The following TPM1 variants were observed in gnomAD, a reference collection of about 807,000 sequenced individuals.
TPM1 encodes the protein tropomyosin alpha-1 chain.
A neutral mutation model predicts 42.9 loss-of-function variants in TPM1; 24 were observed. The ratio of observed to expected loss-of-function variants is 0.56; its 90% CI spans 0.41 to 0.79. TPM1 has a LOEUF of 0.79. Ranked by LOEUF, TPM1 falls within the 30% of genes least tolerant of loss-of-function variation. The pLI is 0.00. For synonymous variants in TPM1, 136 were observed against 130.1 expected, an observed-to-expected ratio of 1.05 and a Z score of -0.31; for missense variants, 158 against 351.8, an observed-to-expected ratio of 0.45 and a Z score of 4.41.
downstream of TPM1, chr15:63,070,548 TAA>T (rs2036552689): frequency 1.0e-6 from 1 of 995,548 alleles, no homozygotes. Flanking sequence ...ATAAAAATAT[TAA>T]GAGAATGTCC....
In TPM1 at chr15:63,064,407, C is replaced by T. The variant is rs1055514555; in HGVS notation, c.851+265C>T. On this transcript the variant is annotated intron_variant, in intron 9 of 9. Coordinates refer to ENST00000403994, the MANE Select transcript of TPM1 (RefSeq NM_001018005.2). ...TAGAGCAGTGAACTAGAATGAGTGACCTTGAGCACTGTCCTTTTGGGAAAT... is the reference window on the plus strand; with the variant it reads ...TAGAGCAGTGAACTAGAATGAGTGATCTTGAGCACTGTCCTTTTGGGAAAT... 2.1e-5 allele frequency: 28 copies of T among 1,306,786 alleles called. No individual in the cohort carries two copies. In the East Asian group the frequency reaches 8.7e-4, roughly 40 times the overall value. 80.9% of individuals were successfully genotyped at this position (1,306,786 alleles called of 1,614,324 possible). A position where few individuals can be genotyped will look rare whatever the true frequency, so the allele number is the denominator to read the frequency against.
rs730881144 is a variant in TPM1 at position 63,062,252 on chromosome 15, A to G, written c.677A>G (p.Lys226Arg). 1 of 1,614,152 alleles carries G rather than the reference A, an allele frequency of 6.2e-7. No individual in the cohort carries two copies. The highest frequency in any genetic ancestry group is 1.1e-5 in the South Asian group (1 of 91,084). ...GAAGACAGATATGAGGAAGAGATCA[A>G]GGTCCTTTCCGACAAGCTGAAGGAG... ...QKEDRYEEEI[K>R]VLSDKLKEAE... The change falls in exon 7 of 10, where the codon AAG becomes AGG. Residue 226 changes from lysine (K) to arginine (R), a missense_variant. By Grantham distance (26) the Lys-to-Arg change is conservative (BLOSUM62 2). This residue lies in a region of TPM1 where 64 missense variants were observed against 95.8 expected (regional missense o/e 0.67). Coordinates refer to ENST00000403994, the MANE Select transcript of TPM1 (RefSeq NM_001018005.2).
At chr15:63,049,403 G>A (rs932479073) in intron 2 of TPM1, 6 of 152,344 alleles carry the variant, frequency 3.9e-5, no homozygotes, top group Non-Finnish European at 7.3e-5. Flanking sequence ...AATGTCAACA[G>A]TTATTGGGTG....
rs2035710306 is a variant in TPM1, at chr15:63,062,069, T to TG, written c.640-145dup. ...ATAGGCAAGAAAGCAGAGAATGTATTGCAGTGTGCCATTTGATATCAGAGG... is the reference window on the plus strand; with the variant it reads ...ATAGGCAAGAAAGCAGAGAATGTATTGGCAGTGTGCCATTTGATATCAGAGG... On this transcript the variant is annotated intron_variant, in intron 6 of 9. Transcript: ENST00000403994. 4.0e-6 allele frequency: 3 copies of TG among 759,318 alleles called. No homozygotes were observed. The Admixed American group carries it at 5.9e-5, about 15-fold the overall frequency. 47.0% of individuals were successfully genotyped at this position (759,318 alleles called of 1,614,324 possible).
chr15:63,043,651 G>A, intron 1 of TPM1: 3 of 1,536,066 alleles, frequency 2.0e-6, no homozygotes, highest in African/African-American at 2.7e-5. Flanking sequence ...TGTGTTGTGT[G>A]TGTCTAACAC....
At position 63,042,961 on chromosome 15, in the gene TPM1, C is replaced by A. The variant is rs1442521579; in HGVS notation, c.114+18C>A. 5.1e-6 allele frequency: 8 copies of A among 1,574,184 alleles called. No individual in the cohort carries two copies. Among genetic ancestry groups the A allele is most frequent in the Non-Finnish European group, 6.0e-6 (7 of 1,159,110 alleles). Reference sequence around the variant, plus strand: ...GCAAGCAGGTCTGCGCCTCCCCGGCCCTGCGCCCGCGCCCAGAGCGCCGGG... The same window carrying A: ...GCAAGCAGGTCTGCGCCTCCCCGGCACTGCGCCCGCGCCCAGAGCGCCGGG... On this transcript the variant is annotated intron_variant, in intron 1 of 9. Transcript: ENST00000403994.
intron 2 of TPM1, chr15:63,048,910 G>A: frequency 1.4e-6 from 1 of 705,152 alleles, no homozygotes; most frequent in Non-Finnish European, 2.4e-6. Context: ...TTTCCATCTC[G>A]CTGATCCAAA....
At chr15:63,063,269 A>G (rs2035894255) in intron 8 of TPM1, 10 of 985,308 alleles carry the variant, frequency 1.0e-5, no homozygotes, top group Non-Finnish European at 2.4e-6. Flanking sequence ...AAAAAGACAA[A>G]TATCTACATC....
chr15:63,055,299 G>A (rs1392912723), intron 2 of TPM1, among the ~76,000 whole-genome samples: 1 of 152,210 alleles, frequency 6.6e-6, no homozygotes, highest in Non-Finnish European at 1.5e-5. Context: ...AGATAAAAGT[G>A]TATTTACATG....
chr15:63,048,873 G>GC (rs1317051510), intron 2 of TPM1: 2 of 873,096 alleles, frequency 2.3e-6, no homozygotes, highest in Non-Finnish European at 3.6e-6. Flanking sequence ...CTGGGGAGGG[G>GC]CCCGGCCTGT....
rs1465520299 is a variant in TPM1, at chr15:63,062,618, T to C, written c.745T>C (p.Leu249=). ...AEFAERSVTK[L]EKSIDDLEDE... ...GTTTGCGGAGAGGTCAGTAACTAAA[T>C]TGGAGAAAAGCATTGATGACTTAGA... Residue 249 remains leucine, a synonymous_variant, in exon 8 of 10, where the codon TTG becomes CTG. Coordinates refer to ENST00000403994, the MANE Select transcript of TPM1 (RefSeq NM_001018005.2). 2.5e-6 allele frequency: 4 copies of C among 1,614,214 alleles called. No homozygotes were observed. Among genetic ancestry groups the C allele is most frequent in the Non-Finnish European group, 3.4e-6 (4 of 1,180,044 alleles).
At chr15:63,043,709 G>A in intron 1 of TPM1, 2 of 1,546,526 alleles carry the variant, frequency 1.3e-6, no homozygotes, top group Non-Finnish European at 1.7e-6. Context: ...CCCCCAGCTC[G>A]AGGAGGACAT....
At chr15:63,043,011 G>C in intron 1 of TPM1, 68 bp downstream of exon 1, 1 of 1,423,084 alleles carries the variant, frequency 7.0e-7, no homozygotes, top group Non-Finnish European at 9.7e-7. Flanking sequence ...CCCCCGGCTG[G>C]ATCCCCACCC....
chr15:63,052,794 AG>A (rs1566951347), intron 2 of TPM1, among the ~76,000 whole-genome samples: 1 of 152,220 alleles, frequency 6.6e-6, no homozygotes, highest in Non-Finnish European at 1.5e-5. Context: ...CAGAAATAAA[AG>A]CTAGTAAAGG....
exon 9 of TPM1, chr15:63,071,418 G>A (rs2036602102): frequency 6.6e-6 from 3 of 456,864 alleles, no homozygotes; most frequent in East Asian, 4.5e-5. Context: ...TAGCAACACA[G>A]TGTGCTTAGT....
chr15:63,069,886 A>T (rs1477340310), downstream of TPM1: 6 of 1,614,030 alleles, frequency 3.7e-6, no homozygotes, highest in African/African-American at 8.0e-5. Flanking sequence ...TCTACCAGCA[A>T]CTTGAGCAAA....
At chr15:63,064,240 CACTCTTGT>C in intron 9 of TPM1, 98 bp downstream of exon 9, 1 of 1,552,204 alleles carries the variant, frequency 6.4e-7, no homozygotes, top group Non-Finnish European at 8.7e-7. Flanking sequence ...TCCATCTTTG[CACTCTTGT>C]GTTCACCCTT....
chr15:63,070,641 A>C (rs1170547954), downstream of TPM1: 1 of 1,002,942 alleles, frequency 1.0e-6, no homozygotes, highest in Non-Finnish European at 1.2e-6. Flanking sequence ...CAGAAAACCT[A>C]TTTATGTCAT....
chr15:63,050,184 G>A (rs980239491), intron 2 of TPM1, among the ~76,000 whole-genome samples: 2 of 152,212 alleles, frequency 1.3e-5, no homozygotes, highest in African/African-American at 2.4e-5. Flanking sequence ...GCACAGCCCT[G>A]GCAGCCCAGT....
Sources: gnomAD v4.1 joint callset for allele counts (sites outside exome capture counted in the v4.1 genomes callset) on GRCh38, gnomAD v4.1.1 for gene constraint, gnomAD v4.1.1 regional missense constraint, MANE v1.5 for transcripts, NCBI Gene and HGNC (gene_info 2026-07-23, HGNC 2026-07-21) for gene names.